The following SSX2IP variants were observed in gnomAD, a reference collection of about 807,000 sequenced individuals.
SSX2IP encodes the protein afadin- and alpha-actinin-binding protein.
Under a neutral mutation model 84.9 loss-of-function variants are expected in SSX2IP, and 55 were observed. The ratio of observed to expected loss-of-function variants is 0.65; its 90% CI spans 0.52 to 0.81. The LOEUF (loss-of-function observed/expected upper bound fraction) is 0.81. SSX2IP is among the 30% of genes least tolerant of loss of function. The pLI is 0.00. For missense variants in SSX2IP, 664 were observed against 705.2 expected (o/e 0.94, Z 0.66); for synonymous variants, 239 against 234.7 (o/e 1.02, Z -0.17).
intron 5 of SSX2IP, among the ~76,000 whole-genome samples, chr1:84,665,780 C>T (rs1207472742): frequency 3.3e-5 from 5 of 152,168 alleles, no homozygotes; most frequent in Non-Finnish European, 7.4e-5. Context: ...CTATCACGTA[C>T]AGGTACAGCA....
chr1:84,651,901 A>G lies in SSX2IP; in HGVS notation c.1486T>C (p.Phe496Leu), dbSNP rs185983297. ...DHQNSENVKL[F>L]SAFSGSSDWD... ...TACTCACTTCCTGAGAAGGCACTGA[A>G]AAGTTTCACATTTTCTGAGTTCTGG... is the stretch of plus-strand genomic sequence containing the variant. Residue 496 changes from phenylalanine to leucine, a missense_variant, in exon 12 of 14, where the codon TTC becomes CTC. Transcript: ENST00000342203. 1.9e-6 allele frequency: 3 copies of G among 1,613,240 alleles called. No individual in the cohort carries two copies. Among genetic ancestry groups the G allele is most frequent in the East Asian group, 2.2e-5 (1 of 44,860 alleles).
intron 1 of SSX2IP, among the ~76,000 whole-genome samples, chr1:84,674,652 C>T (rs1486919008): frequency 1.3e-5 from 2 of 152,108 alleles, no homozygotes; most frequent in African/African-American, 2.4e-5. Flanking sequence ...ATTCTCTCTG[C>T]GAATTTGGCT....
intron 12 of SSX2IP, among the ~76,000 whole-genome samples, 172 bp downstream of exon 12, chr1:84,651,711 G>C (rs906645187): frequency 1.3e-5 from 2 of 152,158 alleles, no homozygotes; most frequent in East Asian, 3.9e-4. Flanking sequence ...CTGGGCGACA[G>C]AGCAAGACTC....
chr1:84,654,849 A>G (rs1335784589), intron 11 of SSX2IP, among the ~76,000 whole-genome samples: 1 of 152,186 alleles, frequency 6.6e-6, no homozygotes, highest in African/African-American at 2.4e-5. Context: ...TATGAATGTG[A>G]TAACAATGAA....
chr1:84,664,375 T>C, intron 6 of SSX2IP, 42 bp downstream of exon 6: 1 of 1,522,822 alleles, frequency 6.6e-7, no homozygotes, highest in Non-Finnish European at 8.8e-7. Flanking sequence ...AGCATAGTAT[T>C]AGCTTATTTA....
rs1379367202 is a variant in SSX2IP at position 84,683,176 on chromosome 1, A to G, written c.-90+7195T>C. On this transcript the variant is annotated intron_variant, in intron 1 of 13. Transcript: ENST00000342203. ...TTTTTTTTTTTTTAAGTTTTGGGAT[A>G]CATGTGCAGAACGTGCAGGTTTGCT... Among the ~76,000 whole-genome samples the G allele has an allele frequency of 2.0e-5, 3 of 152,030 alleles. No individual in the cohort carries two copies. The East Asian group carries it at 5.8e-4, about 29-fold the overall frequency.
intron 5 of SSX2IP, among the ~76,000 whole-genome samples, chr1:84,665,015 A>T (rs1001869578): frequency 4.6e-5 from 7 of 152,266 alleles, no homozygotes; most frequent in Admixed American, 1.3e-4. Flanking sequence ...ATTCTCGAGT[A>T]AGAGTAAGTC....
At chr1:84,669,178 T>G (rs1483194115) in intron 4 of SSX2IP, among the ~76,000 whole-genome samples, 2 of 152,110 alleles carry the variant, frequency 1.3e-5, no homozygotes, top group African/African-American at 4.8e-5. Flanking sequence ...TTCCTTTTTT[T>G]TTTTAAGAGA....
chr1:84,684,245 C>A (rs1655483749), intron 1 of SSX2IP, among the ~76,000 whole-genome samples: 1 of 152,176 alleles, frequency 6.6e-6, no homozygotes, highest in Non-Finnish European at 1.5e-5. Flanking sequence ...CACTACAGAC[C>A]TACAGATTCA....
chr1:84,655,275 T>C, intron 11 of SSX2IP: 3 of 1,031,072 alleles, frequency 2.9e-6, no homozygotes, highest in Non-Finnish European at 3.6e-6. Context: ...GGATACTTTC[T>C]TACTTTGTAG....
chr1:84,687,776 A>G (rs1344807405), intron 1 of SSX2IP, among the ~76,000 whole-genome samples: 1 of 152,104 alleles, frequency 6.6e-6, no homozygotes, highest in Admixed American at 6.5e-5. Flanking sequence ...GTTCCCTGTA[A>G]CCTACTGGTC....
At position 84,651,889 on chromosome 1, in the gene SSX2IP, A is replaced by G; in HGVS notation, c.1498T>C (p.Ser500Pro). The G allele has an allele frequency of 6.2e-7, 1 of 1,607,440 alleles. No individual in the cohort carries two copies. The highest frequency in any genetic ancestry group is 8.5e-7 in the Non-Finnish European group (1 of 1,174,204). ...SENVKLFSAF[S>P]GSSDWDNLIV... ...GAGTTTATAAAGTACTCACTTCCTG[A>G]GAAGGCACTGAAAAGTTTCACATTT... The change falls in exon 12 of 14, where the codon TCA (serine) becomes CCA (proline). Residue 500 changes from serine (S) to proline (P), a missense_variant. Ser to Pro is a moderately conservative substitution (Grantham distance 74, BLOSUM62 -1). Transcript: ENST00000342203.
chr1:84,690,243 C>A (rs1570772207), intron 1 of SSX2IP, 128 bp downstream of exon 1: 2 of 151,942 alleles, frequency 1.3e-5, no homozygotes, highest in Admixed American at 6.5e-5. Context: ...TCCCGCCGAA[C>A]AACGGGGCGC....
chr1:84,668,619 T>G (rs1653085226), intron 4 of SSX2IP, among the ~76,000 whole-genome samples: 1 of 152,074 alleles, frequency 6.6e-6, no homozygotes, highest in African/African-American at 2.4e-5. Context: ...TCCCCAAGTG[T>G]TTCTAGTGTT....
intron 8 of SSX2IP, among the ~76,000 whole-genome samples, chr1:84,659,328 C>G (rs1651580400): frequency 6.6e-6 from 1 of 152,128 alleles, no homozygotes; most frequent in South Asian, 2.1e-4. Context: ...CAGCAATGGG[C>G]TAGCAGAGGT....
intron 1 of SSX2IP, among the ~76,000 whole-genome samples, chr1:84,679,114 A>G (rs1476694467): frequency 6.6e-6 from 1 of 152,072 alleles, no homozygotes; most frequent in Non-Finnish European, 1.5e-5. Context: ...GTCACTTAAC[A>G]TTAGTCCTAT....
intron 1 of SSX2IP, chr1:84,680,434 T>C (rs1236341897): frequency 6.6e-6 from 1 of 152,186 alleles, no homozygotes; most frequent in Admixed American, 6.5e-5. Context: ...ATTATGTGGT[T>C]AAACAGTAAA....
rs1649262342 is a variant in SSX2IP at position 84,644,597 on chromosome 1, C to G, written c.*2836G>C. The G allele has an allele frequency of 6.6e-6, 1 of 152,196 alleles. No individual in the cohort carries two copies. The highest frequency in any genetic ancestry group is 2.1e-4 in the South Asian group (1 of 4,836). The allele number at this position is 152,196 out of a possible 1,614,324, so 9.4% of individuals were successfully genotyped here. Reference sequence around the variant, plus strand: ...GATCTGTACAACATAGTAATCACAGCAGGGTCTTGCTAACTCACAAATTTA... The same window carrying G: ...GATCTGTACAACATAGTAATCACAGGAGGGTCTTGCTAACTCACAAATTTA... On this transcript the variant is annotated 3_prime_UTR_variant, in exon 14 of 14. Transcript: ENST00000342203.
At chr1:84,677,064 C>G (rs1249016051) in intron 1 of SSX2IP, among the ~76,000 whole-genome samples, 1 of 152,128 alleles carries the variant, frequency 6.6e-6, no homozygotes, top group Non-Finnish European at 1.5e-5. Flanking sequence ...CAACTTTGTA[C>G]ACATAAATCT....
Sources: allele counts gnomAD v4.1 joint callset (sites outside exome capture counted in the v4.1 genomes callset), GRCh38; gene constraint gnomAD v4.1.1; transcripts MANE v1.5; gene names NCBI Gene and HGNC (gene_info 2026-07-23, HGNC 2026-07-21).